ATP2B2: variants seen among roughly 807,000 people sequenced by gnomAD.
The protein encoded by ATP2B2 is plasma membrane calcium-transporting ATPase 2.
ATP2B2 carries 15 observed loss-of-function variants against 120.0 expected under a neutral mutation model. That is an observed-to-expected ratio of 0.12 (90% CI 0.08 to 0.19). The LOEUF is 0.19. ATP2B2 is among the 10% of genes least tolerant of loss of function. ATP2B2 has a pLI of 1.00. For synonymous variants in ATP2B2, 694 were observed against 700.3 expected, an observed-to-expected ratio of 0.99 and a Z score of 0.14; for missense variants, 1,045 against 1,719.8, an observed-to-expected ratio of 0.61 and a Z score of 6.94.
chr3:10,598,904 C>T (rs547886710), intron 2 of ATP2B2, among the ~76,000 whole-genome samples: 2 of 152,360 alleles, frequency 1.3e-5, no homozygotes, highest in South Asian at 4.1e-4. Flanking sequence ...CCTGTTCTCT[C>T]AGCCATGGAT....
chr3:10,326,158 C>T lies in ATP2B2; in HGVS notation c.*2656G>A, dbSNP rs921578395. ...ATGAATGGTCATAAATTATTTACCCCCTAATGGAGTGAACTGCCAAACGTA... is the reference window on the plus strand; with the variant it reads ...ATGAATGGTCATAAATTATTTACCCTCTAATGGAGTGAACTGCCAAACGTA... On this transcript the variant is annotated 3_prime_UTR_variant, in exon 23 of 23. Coordinates refer to ENST00000360273, the MANE Select transcript of ATP2B2 (RefSeq NM_001001331.4). The T allele has an allele frequency of 1.3e-5, 2 of 152,514 alleles. No homozygotes were observed. The highest frequency in any genetic ancestry group is 6.5e-5 in the Admixed American group (1 of 15,270). 9.4% of individuals were successfully genotyped at this position (152,514 alleles called of 1,614,324 possible).
chr3:10,448,236 A>G (rs566458481), intron 2 of ATP2B2, among the ~76,000 whole-genome samples: 26 of 152,344 alleles, frequency 1.7e-4, no homozygotes, highest in African/African-American at 6.3e-4. Flanking sequence ...ACTTCTCCTT[A>G]GAATAATCAT....
intron 1 of ATP2B2, among the ~76,000 whole-genome samples, chr3:10,659,203 C>T (rs1035232437): frequency 6.6e-6 from 1 of 152,148 alleles, no homozygotes; most frequent in African/African-American, 2.4e-5. Flanking sequence ...GCAAAATAAC[C>T]AGCTAACATC....
intron 2 of ATP2B2, among the ~76,000 whole-genome samples, chr3:10,558,386 A>C (rs2067826186): frequency 6.6e-6 from 1 of 152,154 alleles, no homozygotes; most frequent in African/African-American, 2.4e-5. Context: ...CAGGGAATTA[A>C]GTGCTCCCTT....
At chr3:10,520,025 G>T (rs2066951513) in intron 3 of ATP2B2, among the ~76,000 whole-genome samples, 1 of 152,100 alleles carries the variant, frequency 6.6e-6, no homozygotes, top group African/African-American at 2.4e-5. Flanking sequence ...CAGTTTTTCA[G>T]GTCCCCACCC....
intron 1 of ATP2B2, among the ~76,000 whole-genome samples, chr3:10,456,488 C>T (rs1291824519): frequency 5.3e-5 from 8 of 152,170 alleles, no homozygotes; most frequent in Admixed American, 4.6e-4. Context: ...ATGGAGACAA[C>T]CCTACAGCCT....
At chr3:10,362,004 C>T (rs1166542261) in intron 12 of ATP2B2, among the ~76,000 whole-genome samples, 1 of 152,116 alleles carries the variant, frequency 6.6e-6, no homozygotes, top group Non-Finnish European at 1.5e-5. Flanking sequence ...CCATGTGCAC[C>T]CCCCAACCCC....
chr3:10,423,920 C>T (rs956854506), intron 2 of ATP2B2, among the ~76,000 whole-genome samples: 13 of 152,178 alleles, frequency 8.5e-5, no homozygotes, highest in South Asian at 2.1e-4. Context: ...ACACAGCTGG[C>T]GCCCAGAGCC....
chr3:10,375,218 C>T lies in ATP2B2; in HGVS notation c.1416+212G>A, dbSNP rs1047716718. Among the ~76,000 whole-genome samples the T allele has an allele frequency of 6.6e-6, 1 of 152,194 alleles. No individual in the cohort carries two copies. The highest frequency in any genetic ancestry group is 1.5e-5 in the Non-Finnish European group (1 of 68,042). Reference sequence around the variant, plus strand: ...GGCTGAATAACAGCTGCCTCTTCAGCCAGGGTATGGCTCTCTGGTTTGCTA... The same window carrying T: ...GGCTGAATAACAGCTGCCTCTTCAGTCAGGGTATGGCTCTCTGGTTTGCTA... On this transcript the variant is annotated intron_variant, in intron 11 of 22. Coordinates refer to ENST00000360273, the MANE Select transcript of ATP2B2 (RefSeq NM_001001331.4). The surrounding 1 kb of genome is among the most constrained non-coding windows in gnomAD (Gnocchi z 4.2).
intron 2 of ATP2B2, among the ~76,000 whole-genome samples, chr3:10,567,189 C>T (rs1003762503): frequency 6.6e-6 from 1 of 152,214 alleles, no homozygotes; most frequent in Non-Finnish European, 1.5e-5. Flanking sequence ...TCATTTTAGC[C>T]ATAGCTAATC....
At chr3:10,677,329 T>C (rs997410250) in intron 1 of ATP2B2, among the ~76,000 whole-genome samples, 2 of 152,152 alleles carry the variant, frequency 1.3e-5, no homozygotes, top group Non-Finnish European at 2.9e-5. Flanking sequence ...TACTATAAGG[T>C]TCCAAGTCTA....
chr3:10,513,426 A>C (rs952236132), intron 3 of ATP2B2, among the ~76,000 whole-genome samples: 4 of 152,200 alleles, frequency 2.6e-5, no homozygotes, highest in Non-Finnish European at 5.9e-5. Context: ...CCTGTGGACC[A>C]CTGTACAGAT....
At chr3:10,639,445 C>T (rs765583338) in intron 1 of ATP2B2, among the ~76,000 whole-genome samples, 7 of 152,206 alleles carry the variant, frequency 4.6e-5, no homozygotes, top group Admixed American at 2.0e-4. Flanking sequence ...ACTGCCTTCT[C>T]ACTGTATCCT....
In ATP2B2 at chr3:10,553,619, G is replaced by C. The variant is rs572164057; in HGVS notation, c.-414-19486C>G. Among the ~76,000 whole-genome samples the C allele has an allele frequency of 7.2e-5, 11 of 152,292 alleles. No individual in the cohort carries two copies. The East Asian group carries it at 1.9e-3, about 27-fold the overall frequency. On this transcript the variant is annotated intron_variant, in intron 2 of 21. Transcript: ENST00000646379. The stretch of plus-strand genomic sequence containing the variant: ...ATCCCCATGTTGTGGGGGAAACTGA[G>C]GCCCTCAGAGGATTGCAGAGCTGGG...
At chr3:10,526,633 A>G (rs2067100249) in intron 3 of ATP2B2, among the ~76,000 whole-genome samples, 1 of 152,074 alleles carries the variant, frequency 6.6e-6, no homozygotes, top group Non-Finnish European at 1.5e-5. Flanking sequence ...CCCAGAACCA[A>G]TGAAGTCAGC....
chr3:10,546,490 C>T (rs1023275318), intron 2 of ATP2B2, among the ~76,000 whole-genome samples: 1 of 152,214 alleles, frequency 6.6e-6, no homozygotes, highest in African/African-American at 2.4e-5. Context: ...TGCCTGGTCC[C>T]GCCCCAGCTG....
intron 2 of ATP2B2, among the ~76,000 whole-genome samples, chr3:10,448,104 G>C (rs912623059): frequency 6.6e-6 from 1 of 152,218 alleles, no homozygotes; most frequent in African/African-American, 2.4e-5. Flanking sequence ...GAGTCCAGCA[G>C]GGCCCAGGGC....
intron 1 of ATP2B2, among the ~76,000 whole-genome samples, chr3:10,679,401 T>C (rs2071327923): frequency 6.6e-6 from 1 of 152,190 alleles, no homozygotes; most frequent in South Asian, 2.1e-4. Flanking sequence ...CCCTTACAAA[T>C]GGCAGGGACC....
At chr3:10,634,588 C>T (rs2069967840) in intron 1 of ATP2B2, among the ~76,000 whole-genome samples, 1 of 152,234 alleles carries the variant, frequency 6.6e-6, no homozygotes, top group East Asian at 1.9e-4. Flanking sequence ...TTTGGGGTCG[C>T]TGTGACATAC....
Sources: allele counts gnomAD v4.1 joint callset (sites outside exome capture counted in the v4.1 genomes callset), GRCh38; gene constraint gnomAD v4.1.1; non-coding constraint Gnocchi (gnomAD v3.1); transcripts MANE v1.5; gene names NCBI Gene and HGNC (gene_info 2026-07-23, HGNC 2026-07-21).